The following AUTS2 variants were observed in gnomAD, a reference collection of about 807,000 sequenced individuals.
AUTS2 encodes the protein autism susceptibility gene 2 protein.
AUTS2 carries 17 observed loss-of-function variants against 112.4 expected under a neutral mutation model. The observed-to-expected ratio is 0.15, with a 90% confidence interval of 0.10 to 0.23. The LOEUF (loss-of-function observed/expected upper bound fraction) is 0.23. Among genes scored for constraint, AUTS2 ranks in the 10% least tolerant of loss-of-function variants. The probability of loss-of-function intolerance (pLI) is 1.00; values close to 1 mark genes in which losing one functional copy is unlikely to be tolerated. For synonymous variants in AUTS2, 751 were observed against 702.7 expected, an observed-to-expected ratio of 1.07 and a Z score of -1.09; for missense variants, 1,510 against 1,701.6, an observed-to-expected ratio of 0.89 and a Z score of 1.98.
chr7:70,384,821 A>G (rs1289630217), intron 4 of AUTS2, among the ~76,000 whole-genome samples: 1 of 152,218 alleles, frequency 6.6e-6, no homozygotes, highest in Admixed American at 6.5e-5. Flanking sequence ...GCTATCTTTC[A>G]TATCCCCCAC....
chr7:69,916,588 A>G (rs1313335094), intron 2 of AUTS2, among the ~76,000 whole-genome samples: 1 of 152,116 alleles, frequency 6.6e-6, no homozygotes, highest in Non-Finnish European at 1.5e-5. Flanking sequence ...TGGTCCCCAA[A>G]TTGCTCTTCC....
chr7:70,733,674 C>G (rs1164423827), intron 6 of AUTS2, among the ~76,000 whole-genome samples: 1 of 152,066 alleles, frequency 6.6e-6, no homozygotes, highest in Non-Finnish European at 1.5e-5. Flanking sequence ...GCAACCTCCG[C>G]CTCCAGGGTT....
At chr7:70,086,429 G>A (rs943946526) in intron 2 of AUTS2, among the ~76,000 whole-genome samples, 4 of 152,058 alleles carry the variant, frequency 2.6e-5, no homozygotes, top group Non-Finnish European at 2.9e-5. Flanking sequence ...ATCACCTGAG[G>A]TCAGGAGTTC....
intron 1 of AUTS2, among the ~76,000 whole-genome samples, chr7:69,799,852 T>C (rs1339794943): frequency 6.6e-6 from 1 of 152,162 alleles, no homozygotes; most frequent in Non-Finnish European, 1.5e-5. Flanking sequence ...CATTTGTGTG[T>C]GTTCCTTTTG....
intron 2 of AUTS2, among the ~76,000 whole-genome samples, chr7:70,093,726 A>G (rs1191286027): frequency 6.6e-6 from 1 of 152,262 alleles, no homozygotes; most frequent in Non-Finnish European, 1.5e-5. Flanking sequence ...TGTATCAAAA[A>G]GAAATGACCC....
intron 1 of AUTS2, among the ~76,000 whole-genome samples, chr7:69,778,329 C>T (rs1474898468): frequency 2.7e-5 from 4 of 150,836 alleles, no homozygotes; most frequent in African/African-American, 7.3e-5. Flanking sequence ...CCATAGACCA[C>T]ACTTGGAGAA....
chr7:70,692,252 G>A (rs1252502016), intron 5 of AUTS2, among the ~76,000 whole-genome samples: 1 of 152,222 alleles, frequency 6.6e-6, no homozygotes, highest in Non-Finnish European at 1.5e-5. Context: ...GTTTCAGCTG[G>A]TCAGCTAAGC....
At chr7:69,980,606 A>G (rs1798255797) in intron 2 of AUTS2, among the ~76,000 whole-genome samples, 1 of 152,106 alleles carries the variant, frequency 6.6e-6, no homozygotes, top group Non-Finnish European at 1.5e-5. Context: ...AAAAAAAAAA[A>G]GTGTACGCTT....
intron 1 of AUTS2, among the ~76,000 whole-genome samples, chr7:69,619,943 T>A (rs1055370833): frequency 2.6e-5 from 4 of 152,156 alleles, no homozygotes; most frequent in African/African-American, 9.7e-5. Flanking sequence ...ATTTGGCAGG[T>A]AGGGAAGTGT....
At chr7:70,675,667 G>C (rs10225393) in intron 5 of AUTS2, among the ~76,000 whole-genome samples, 3,067 of 152,288 alleles carry the variant, frequency 0.02, 109 homozygotes, top group African/African-American at 0.07. Context: ...TGAATGGCTG[G>C]GGACTGGAAT....
At chr7:70,063,261 G>T (rs375799260) in intron 2 of AUTS2, among the ~76,000 whole-genome samples, 264 of 138,460 alleles carry the variant, frequency 1.9e-3, no homozygotes, top group African/African-American at 5.5e-3. Context: ...TTTGGGTTTT[G>T]TTTTTTTTTT....
chr7:70,790,750 C>T lies in AUTS2; in HGVS notation c.3534C>T (p.His1178=). The part of the protein sequence containing the change: ...HSVHPASLDG[H]LPHPSLITPG... Reference sequence around the variant, plus strand: ...TGCACCCCGCCTCCCTCGACGGACACCTCCCCCACCCCAGCCTCATCACCC... The same window carrying T: ...TGCACCCCGCCTCCCTCGACGGACATCTCCCCCACCCCAGCCTCATCACCC... Residue 1178 remains histidine (H), a synonymous_variant, in exon 19 of 19, where the codon CAC becomes CAT. Coordinates refer to ENST00000342771, the MANE Select transcript of AUTS2 (RefSeq NM_015570.4). The surrounding 1 kb of genome is among the most constrained non-coding windows in gnomAD (Gnocchi z 7.6). 6.2e-7 allele frequency: 1 copy of T among 1,613,416 alleles called. No homozygotes were observed. The highest frequency in any genetic ancestry group is 8.5e-7 in the Non-Finnish European group (1 of 1,179,884).
intron 4 of AUTS2, among the ~76,000 whole-genome samples, chr7:70,276,938 G>A (rs192770247): frequency 1.5e-3 from 221 of 152,288 alleles, no homozygotes; most frequent in Non-Finnish European, 2.0e-3. Flanking sequence ...GATTGCATCC[G>A]GAAAGATGTG....
chr7:69,615,528 C>T (rs559744995), intron 1 of AUTS2, among the ~76,000 whole-genome samples: 1 of 152,162 alleles, frequency 6.6e-6, no homozygotes, highest in Non-Finnish European at 1.5e-5. Flanking sequence ...GTCTCGAACT[C>T]CTGACCTCAG....
At chr7:70,698,656 T>G in intron 6 of AUTS2, 36 bp downstream of exon 6, 1 of 1,501,580 alleles carries the variant, frequency 6.7e-7, no homozygotes, top group Non-Finnish European at 9.2e-7. Flanking sequence ...AATGGCTTAT[T>G]TTTATGTTAG....
At chr7:70,388,074 C>T (rs1793693553) in intron 4 of AUTS2, among the ~76,000 whole-genome samples, 1 of 152,194 alleles carries the variant, frequency 6.6e-6, no homozygotes, top group Non-Finnish European at 1.5e-5. Flanking sequence ...TTCTCATTTA[C>T]AGGACCTTTC....
At chr7:70,002,680 T>C (rs753594993) in intron 2 of AUTS2, among the ~76,000 whole-genome samples, 1 of 152,166 alleles carries the variant, frequency 6.6e-6, no homozygotes, top group Non-Finnish European at 1.5e-5. Context: ...CAGCAGCATG[T>C]AGTTAGCTGG....
At chr7:69,938,603 C>A (rs1268311468) in intron 2 of AUTS2, among the ~76,000 whole-genome samples, 1 of 152,168 alleles carries the variant, frequency 6.6e-6, no homozygotes, top group Non-Finnish European at 1.5e-5. Context: ...AACTGGATAA[C>A]CTCTGGTACA....
chr7:70,135,154 A>G (rs1342404489), intron 4 of AUTS2, among the ~76,000 whole-genome samples: 3 of 152,146 alleles, frequency 2.0e-5, no homozygotes, highest in African/African-American at 7.2e-5. Flanking sequence ...GAAAGATGGC[A>G]GTGAGGTGAC....
Sources: gnomAD v4.1 joint callset for allele counts (sites outside exome capture counted in the v4.1 genomes callset) on GRCh38, gnomAD v4.1.1 for gene constraint, Gnocchi (gnomAD v3.1) non-coding constraint, MANE v1.5 for transcripts, NCBI Gene and HGNC (gene_info 2026-07-23, HGNC 2026-07-21) for gene names.